Variants in ACCSL observed in about 807,000 individuals in gnomAD.
The protein encoded by ACCSL is probable inactive 1-aminocyclopropane-1-carboxylate synthase-like protein 2.
Under a neutral mutation model 61.7 loss-of-function variants are expected in ACCSL, and 55 were observed. The ratio of observed to expected loss-of-function variants is 0.89; its 90% CI spans 0.72 to 1.12. The LOEUF (loss-of-function observed/expected upper bound fraction) is 1.12, where lower values mean the gene tolerates loss of function less well. ACCSL is among the 50% of genes most tolerant of loss of function. ACCSL has a pLI of 0.00. For synonymous variants in ACCSL, 258 were observed against 264.3 expected (o/e 0.98, Z 0.23); for missense variants, 632 against 698.0 (o/e 0.91, Z 1.07).
the ACCSL span, among the ~76,000 whole-genome samples, chr11:44,026,384 A>AG: frequency 6.6e-6 from 1 of 152,216 alleles, no homozygotes; most frequent in African/African-American, 2.4e-5. Flanking sequence ...CTTAAAAAAA[A>AG]GGTCTACCTC....
At chr11:43,948,386 A>G in the ACCSL span, among the ~76,000 whole-genome samples, 1 of 152,202 alleles carries the variant, frequency 6.6e-6, no homozygotes, top group African/African-American at 2.4e-5. Context: ...GGCATTTTAC[A>G]GGTGAGAAAA....
At chr11:43,944,453 G>T in the ACCSL span, 1 of 153,830 alleles carries the variant, frequency 6.5e-6, no homozygotes, top group Non-Finnish European at 1.4e-5. Context: ...CCTGCGCTGC[G>T]GGGAAAACCG....
the ACCSL span, among the ~76,000 whole-genome samples, chr11:43,963,989 C>T: frequency 2.0e-5 from 3 of 151,868 alleles, no homozygotes; most frequent in African/African-American, 4.8e-5. Flanking sequence ...TTTTACTTTC[C>T]AACCTCTTGA....
chr11:43,935,940 C>T, the ACCSL span, among the ~76,000 whole-genome samples: 2 of 152,210 alleles, frequency 1.3e-5, no homozygotes, highest in Non-Finnish European at 2.9e-5. Flanking sequence ...AAAGCCCACA[C>T]TGACCCCTCC....
the ACCSL span, among the ~76,000 whole-genome samples, chr11:43,993,699 C>G: frequency 6.6e-6 from 1 of 152,168 alleles, no homozygotes; most frequent in Non-Finnish European, 1.5e-5. Context: ...CCTCAGCTGC[C>G]TGCCCCCTTC....
the ACCSL span, among the ~76,000 whole-genome samples, chr11:43,953,193 G>A: frequency 2.6e-5 from 4 of 152,162 alleles, no homozygotes; most frequent in Admixed American, 1.3e-4. Flanking sequence ...GCTGGCACAA[G>A]TGCAGGTCAC....
the ACCSL span, among the ~76,000 whole-genome samples, chr11:43,942,033 TGC>T: frequency 0.21 from 6,860 of 32,246 alleles, 197 homozygotes; most frequent in East Asian, 0.26. Context: ...TTTGCATTCG[TGC>T]GTGTGTGTGT....
chr11:43,969,254 G>A, the ACCSL span, among the ~76,000 whole-genome samples: 18 of 152,042 alleles, frequency 1.2e-4, no homozygotes, highest in Admixed American at 8.5e-4. Context: ...TCAGCTACTC[G>A]GGAAGCTGAG....
chr11:43,950,388 G>A, the ACCSL span, among the ~76,000 whole-genome samples: 1 of 152,178 alleles, frequency 6.6e-6, no homozygotes, highest in Non-Finnish European at 1.5e-5. Flanking sequence ...GGTTCACAAG[G>A]GCAAGTGGGT....
the ACCSL span, among the ~76,000 whole-genome samples, chr11:44,017,848 G>C: frequency 2.0e-5 from 3 of 151,794 alleles, no homozygotes; most frequent in Non-Finnish European, 4.4e-5. Flanking sequence ...AGAGAGAAAG[G>C]CTGGGTGGAG....
the ACCSL span, among the ~76,000 whole-genome samples, chr11:43,929,349 A>C: frequency 6.6e-6 from 1 of 152,196 alleles, no homozygotes; most frequent in Non-Finnish European, 1.5e-5. Context: ...CCTCCTAAGT[A>C]GCTGGGACTA....
At chr11:43,934,510 G>A in the ACCSL span, among the ~76,000 whole-genome samples, 25 of 152,298 alleles carry the variant, frequency 1.6e-4, no homozygotes, top group Admixed American at 2.6e-4. Context: ...ACGTACAAGC[G>A]GTGGCTGGGC....
At chr11:43,956,271 A>G in the ACCSL span, among the ~76,000 whole-genome samples, 1 of 152,180 alleles carries the variant, frequency 6.6e-6, no homozygotes, top group Non-Finnish European at 1.5e-5. Context: ...CGGTTGGTTT[A>G]CACCTCCACT....
At chr11:43,971,285 A>AG in the ACCSL span, among the ~76,000 whole-genome samples, 15 of 2,374 alleles carry the variant, frequency 6.3e-3, no homozygotes, top group African/African-American at 0.062. Context: ...ACTCTGTCTC[A>AG]AAAAAAAAAA....
the ACCSL span, among the ~76,000 whole-genome samples, chr11:44,010,706 T>G: frequency 6.6e-6 from 1 of 152,220 alleles, no homozygotes; most frequent in East Asian, 1.9e-4. Context: ...TAGAAGCAAC[T>G]GATTTACTTC....
chr11:43,989,838 C>T, the ACCSL span, among the ~76,000 whole-genome samples: 1 of 152,264 alleles, frequency 6.6e-6, no homozygotes, highest in Admixed American at 6.5e-5. Context: ...CTCCACACAG[C>T]TTCCTCCAGA....
the ACCSL span, among the ~76,000 whole-genome samples, chr11:43,976,777 C>G: frequency 2.0e-5 from 3 of 152,190 alleles, no homozygotes; most frequent in Admixed American, 2.0e-4. Flanking sequence ...GTCACATGGA[C>G]ACACCAGACT....
the ACCSL span, among the ~76,000 whole-genome samples, chr11:43,960,180 C>A: frequency 1.3e-5 from 2 of 152,168 alleles, no homozygotes; most frequent in African/African-American, 4.8e-5. Flanking sequence ...TGTACCATAA[C>A]ACCCATCTTA....
At chr11:43,967,758 A>G in the ACCSL span, among the ~76,000 whole-genome samples, 2 of 152,184 alleles carry the variant, frequency 1.3e-5, no homozygotes, top group African/African-American at 4.8e-5. Flanking sequence ...AAGTTATAAA[A>G]TTATAAGCCA....
Sources: allele counts gnomAD v4.1 joint callset (sites outside exome capture counted in the v4.1 genomes callset), GRCh38; gene constraint gnomAD v4.1.1; transcripts MANE v1.5; gene names NCBI Gene and HGNC (gene_info 2026-07-23, HGNC 2026-07-21).